Variants in ADK observed in about 807,000 individuals in gnomAD.
ADK encodes N6,N6-dimethyladenosine kinase.
ADK carries 24 observed loss-of-function variants against 44.7 expected under a neutral mutation model. That is an observed-to-expected ratio of 0.54 (90% CI 0.39 to 0.76). The LOEUF is 0.76. Among genes scored for constraint, ADK ranks in the 30% least tolerant of loss-of-function variants. The pLI, the probability that ADK is intolerant of heterozygous loss-of-function variation, is 0.00. For synonymous variants in ADK, 128 were observed against 142.6 expected, an observed-to-expected ratio of 0.90 and a Z score of 0.73; for missense variants, 321 against 425.1, an observed-to-expected ratio of 0.76 and a Z score of 2.15.
intron 7 of ADK, among the ~76,000 whole-genome samples, chr10:74,570,575 G>T (rs1204341713): frequency 6.6e-6 from 1 of 152,162 alleles, no homozygotes; most frequent in Non-Finnish European, 1.5e-5. Context: ...TTTCACTCAT[G>T]ATTTGGCTCT....
chr10:74,676,546 A>G (rs914056027), intron 10 of ADK, among the ~76,000 whole-genome samples: 1 of 152,174 alleles, frequency 6.6e-6, no homozygotes, highest in African/African-American at 2.4e-5. Flanking sequence ...GCACAATCAT[A>G]GCTCACTGCA....
At chr10:74,257,700 T>C (rs1845878714) in intron 3 of ADK, among the ~76,000 whole-genome samples, 2 of 152,230 alleles carry the variant, frequency 1.3e-5, no homozygotes, top group Non-Finnish European at 2.9e-5. Context: ...TGCTTGAAAT[T>C]ATTATTTATT....
intron 6 of ADK, among the ~76,000 whole-genome samples, chr10:74,406,994 T>TC (rs1843963686): frequency 1.3e-5 from 2 of 150,868 alleles, no homozygotes; most frequent in African/African-American, 4.9e-5. Flanking sequence ...CTTTTTTTTT[T>TC]TTTTTTCAGA....
At chr10:74,209,499 G>A (rs1474479223) in intron 2 of ADK, among the ~76,000 whole-genome samples, 1 of 152,124 alleles carries the variant, frequency 6.6e-6, no homozygotes, top group East Asian at 1.9e-4. Flanking sequence ...TGTTATAGCA[G>A]CACAAGGGGA....
chr10:74,679,675 G>A (rs752118633), intron 10 of ADK, among the ~76,000 whole-genome samples: 1 of 151,948 alleles, frequency 6.6e-6, no homozygotes, highest in Admixed American at 6.6e-5. Flanking sequence ...AAGAAGATGA[G>A]TATAGGCCAG....
At chr10:74,435,321 T>G (rs1399099453) in intron 6 of ADK, among the ~76,000 whole-genome samples, 1 of 152,190 alleles carries the variant, frequency 6.6e-6, no homozygotes, top group East Asian at 1.9e-4. Flanking sequence ...AACTTGAGCC[T>G]CACAGTAATC....
At chr10:74,183,848 CATAA>C (rs1356597047) in intron 1 of ADK, among the ~76,000 whole-genome samples, 5 of 152,106 alleles carry the variant, frequency 3.3e-5, no homozygotes, top group African/African-American at 4.8e-5. Context: ...TGTGATAAAA[CATAA>C]ATAAACATTT....
chr10:74,240,711 T>C (rs1372632541), intron 3 of ADK, among the ~76,000 whole-genome samples: 1 of 152,194 alleles, frequency 6.6e-6, no homozygotes, highest in Non-Finnish European at 1.5e-5. Context: ...ACTTATATAA[T>C]TGAGGGTCTT....
chr10:74,554,472 C>T (rs1350385515), intron 7 of ADK, among the ~76,000 whole-genome samples: 4 of 151,898 alleles, frequency 2.6e-5, no homozygotes, highest in Non-Finnish European at 5.9e-5. Flanking sequence ...GGTTATGTTT[C>T]TTTAAGTTCC....
intron 3 of ADK, among the ~76,000 whole-genome samples, chr10:74,240,245 T>C (rs1845154195): frequency 6.6e-6 from 1 of 152,096 alleles, no homozygotes; most frequent in Non-Finnish European, 1.5e-5. Context: ...CAGCATTTTG[T>C]TGTTGATGTG....
chr10:74,353,953 ATAGAT>A (rs1373468647), intron 4 of ADK, among the ~76,000 whole-genome samples: 2 of 152,262 alleles, frequency 1.3e-5, no homozygotes, highest in African/African-American at 4.8e-5. Flanking sequence ...ACAGAAAGTC[ATAGAT>A]TAGAAGTGTA....
intron 7 of ADK, among the ~76,000 whole-genome samples, chr10:74,525,658 A>T (rs1366160813): frequency 6.6e-6 from 1 of 151,562 alleles, no homozygotes; most frequent in Admixed American, 6.6e-5. Flanking sequence ...TTATTTTTAT[A>T]TTTTTATTTT....
intron 5 of ADK, among the ~76,000 whole-genome samples, chr10:74,395,630 T>A (rs558934192): frequency 6.6e-6 from 1 of 152,362 alleles, no homozygotes; most frequent in African/African-American, 2.4e-5. Flanking sequence ...TGCAAAGTTT[T>A]CCCATTAGTG....
At chr10:74,177,544 G>C (rs1212852285) in intron 1 of ADK, among the ~76,000 whole-genome samples, 2 of 152,018 alleles carry the variant, frequency 1.3e-5, no homozygotes. Context: ...TTCTTTTTTT[G>C]TTAATGAGGA....
intron 4 of ADK, among the ~76,000 whole-genome samples, chr10:74,377,757 A>G (rs1223104304): frequency 6.6e-6 from 1 of 152,164 alleles, no homozygotes; most frequent in African/African-American, 2.4e-5. Flanking sequence ...AACTCTTAGG[A>G]AAAATAGTCT....
In ADK at chr10:74,310,872, C is replaced by T. The variant is rs1273699106; in HGVS notation, c.195-3795C>T. Among the ~76,000 whole-genome samples the T allele has an allele frequency of 2.0e-5, 3 of 151,878 alleles. No individual in the cohort carries two copies. The East Asian group carries it at 5.8e-4, about 29-fold the overall frequency. On this transcript the variant is annotated intron_variant, in intron 3 of 10. Transcript: ENST00000539909. ...TTTTTCTCCCTTAAGTGTCAAATTT[C>T]AATTCAGATGTTAAACTTTCCCTGC...
intron 4 of ADK, among the ~76,000 whole-genome samples, chr10:74,358,704 A>G (rs1389951415): frequency 6.6e-6 from 1 of 152,248 alleles, no homozygotes; most frequent in Admixed American, 6.5e-5. Flanking sequence ...AGAATTTTAA[A>G]TAAGCTATCA....
At chr10:74,547,136 A>G (rs952830107) in intron 7 of ADK, among the ~76,000 whole-genome samples, 4 of 152,094 alleles carry the variant, frequency 2.6e-5, no homozygotes, top group Non-Finnish European at 5.9e-5. Flanking sequence ...CTCCTACTAC[A>G]CTTTTGAGCA....
chr10:74,222,659 C>T (rs1456895847), intron 2 of ADK, among the ~76,000 whole-genome samples: 1 of 152,122 alleles, frequency 6.6e-6, no homozygotes, highest in Non-Finnish European at 1.5e-5. Flanking sequence ...GGCACATATA[C>T]ACTATGGAAT....
Sources: gnomAD v4.1 joint callset for allele counts (sites outside exome capture counted in the v4.1 genomes callset) on GRCh38, gnomAD v4.1.1 for gene constraint, MANE v1.5 for transcripts, NCBI Gene and HGNC (gene_info 2026-07-23, HGNC 2026-07-21) for gene names.